ESRRG: variants seen among roughly 807,000 people sequenced by gnomAD.
The protein encoded by ESRRG is estrogen related receptor gamma.
Under a neutral mutation model 44.0 loss-of-function variants are expected in ESRRG, and 13 were observed. That is an observed-to-expected ratio of 0.30 (90% CI 0.19 to 0.47). The LOEUF (loss-of-function observed/expected upper bound fraction) is 0.47, where lower values mean the gene tolerates loss of function less well. Ranked by LOEUF, ESRRG falls within the 20% of genes least tolerant of loss-of-function variation. The pLI is 1.00. For synonymous variants in ESRRG, 215 were observed against 214.6 expected (o/e 1.00, Z -0.02); for missense variants, 395 against 580.6 (o/e 0.68, Z 3.29).
intron 5 of ESRRG, among the ~76,000 whole-genome samples, chr1:216,556,285 C>T (rs1225678251): frequency 6.6e-6 from 1 of 151,948 alleles, no homozygotes; most frequent in Non-Finnish European, 1.5e-5. Context: ...TGATAATCCT[C>T]AGGTAAGTTT....
At chr1:217,004,369 T>A (rs932266949) in intron 1 of ESRRG, among the ~76,000 whole-genome samples, 1 of 152,146 alleles carries the variant, frequency 6.6e-6, no homozygotes, top group Non-Finnish European at 1.5e-5. Flanking sequence ...CTAGTGGTAG[T>A]GAATAAGTCT....
chr1:217,022,253 T>C (rs1579625776), intron 1 of ESRRG, among the ~76,000 whole-genome samples: 1 of 152,230 alleles, frequency 6.6e-6, no homozygotes, highest in Non-Finnish European at 1.5e-5. Flanking sequence ...GCATCCCAGC[T>C]GTCCTAAATT....
At chr1:216,906,773 C>T (rs2059728802) in intron 2 of ESRRG, among the ~76,000 whole-genome samples, 1 of 152,166 alleles carries the variant, frequency 6.6e-6, no homozygotes, top group African/African-American at 2.4e-5. Context: ...ATCCAAATGA[C>T]TAGTATAGAA....
At chr1:216,815,793 A>G (rs1250977005) in intron 2 of ESRRG, among the ~76,000 whole-genome samples, 1 of 152,204 alleles carries the variant, frequency 6.6e-6, no homozygotes, top group East Asian at 1.9e-4. Flanking sequence ...TAATTTTTGT[A>G]GCATAAGGGT....
chr1:216,966,054 A>G (rs937206922), intron 1 of ESRRG, among the ~76,000 whole-genome samples: 4 of 152,154 alleles, frequency 2.6e-5, no homozygotes, highest in Admixed American at 2.0e-4. Flanking sequence ...ATTTTAAGTA[A>G]AAAGGATCAT....
intron 2 of ESRRG, among the ~76,000 whole-genome samples, chr1:216,873,522 A>G (rs1417051412): frequency 6.6e-6 from 1 of 152,066 alleles, no homozygotes; most frequent in Non-Finnish European, 1.5e-5. Flanking sequence ...CCAGGAGTTC[A>G]TAAACATCTT....
At chr1:216,898,923 G>A (rs1311680816) in intron 2 of ESRRG, among the ~76,000 whole-genome samples, 1 of 152,128 alleles carries the variant, frequency 6.6e-6, no homozygotes, top group Non-Finnish European at 1.5e-5. Flanking sequence ...AGTAGGGAAG[G>A]CCACTGAGCC....
At chr1:216,742,025 A>G (rs1022224967) in intron 2 of ESRRG, among the ~76,000 whole-genome samples, 1 of 152,138 alleles carries the variant, frequency 6.6e-6, no homozygotes, top group Non-Finnish European at 1.5e-5. Context: ...ACTGTTACAG[A>G]ACAAAATCAA....
chr1:217,102,315 GGCCC>G (rs1352261624), intron 1 of ESRRG, among the ~76,000 whole-genome samples: 3 of 152,150 alleles, frequency 2.0e-5, no homozygotes, highest in African/African-American at 7.2e-5. Flanking sequence ...CCAGCAGCAT[GGCCC>G]AGAGCTATGC....
intron 1 of ESRRG, among the ~76,000 whole-genome samples, chr1:216,979,692 G>A (rs1340207506): frequency 6.6e-6 from 1 of 152,006 alleles, no homozygotes; most frequent in African/African-American, 2.4e-5. Context: ...GAAAATAAAT[G>A]AATTAATAGA....
At chr1:216,882,007 C>A (rs139561085) in intron 2 of ESRRG, among the ~76,000 whole-genome samples, 1 of 150,924 alleles carries the variant, frequency 6.6e-6, no homozygotes, top group Non-Finnish European at 1.5e-5. Flanking sequence ...TAGGCTTGGA[C>A]TTGACCTCTA....
intron 2 of ESRRG, among the ~76,000 whole-genome samples, chr1:216,761,451 T>G (rs2092768288): frequency 6.6e-6 from 1 of 152,044 alleles, no homozygotes; most frequent in Non-Finnish European, 1.5e-5. Context: ...GAGTAAATAT[T>G]TGGTGAGTGC....
rs1254896528 is a variant in ESRRG, at chr1:217,026,908, C to CAGAGAGAGAGAGAGAG, written c.-106+62598_-106+62599insCTCTCTCTCTCTCTCT. Reference sequence around the variant, plus strand: ...ACACATACACACACACACACACACACACACAGAGAGAGAGAGAGAGAGAGA... The same window carrying CAGAGAGAGAGAGAGAG: ...ACACATACACACACACACACACACACAGAGAGAGAGAGAGAGACACAGAGAGAGAGAGAGAGAGAGA... On this transcript the variant is annotated intron_variant, in intron 1 of 7. Transcript: ENST00000359162. 2.2e-3 allele frequency among the ~76,000 whole-genome samples: 202 copies of CAGAGAGAGAGAGAGAG among 90,698 alleles called. 1 individual carries two copies. The highest frequency in any genetic ancestry group is 2.8e-3 in the Non-Finnish European group (121 of 43,120). 59.5% of individuals were successfully genotyped at this position (90,698 alleles called of 152,430 possible).
At chr1:216,931,745 A>C (rs1174550072) in intron 2 of ESRRG, among the ~76,000 whole-genome samples, 1 of 152,082 alleles carries the variant, frequency 6.6e-6, no homozygotes, top group Non-Finnish European at 1.5e-5. Context: ...TCATGTTGAA[A>C]AGACATACAA....
chr1:216,827,972 A>C (rs2095425624), intron 2 of ESRRG, among the ~76,000 whole-genome samples: 1 of 152,160 alleles, frequency 6.6e-6, no homozygotes, highest in Admixed American at 6.5e-5. Flanking sequence ...AAAAATTGTG[A>C]ACTTCTGAAT....
upstream of ESRRG, among the ~76,000 whole-genome samples, chr1:216,726,777 A>T (rs944957303): frequency 1.3e-5 from 2 of 152,158 alleles, no homozygotes; most frequent in Non-Finnish European, 2.9e-5. Flanking sequence ...TGCAGTCATA[A>T]ATATCCAAAC....
intron 1 of ESRRG, among the ~76,000 whole-genome samples, chr1:217,010,148 A>C (rs1167224965): frequency 2.0e-5 from 3 of 152,156 alleles, no homozygotes; most frequent in Non-Finnish European, 4.4e-5. Flanking sequence ...AGAAGTGCAG[A>C]GATGATCCCA....
chr1:217,112,959 TG>T (rs1411410375), intron 1 of ESRRG, among the ~76,000 whole-genome samples: 2 of 152,194 alleles, frequency 1.3e-5, no homozygotes, highest in Non-Finnish European at 2.9e-5. Context: ...CAGATAAGGA[TG>T]TATCTTAAAG....
chr1:217,084,274 A>G (rs570493362), intron 1 of ESRRG, among the ~76,000 whole-genome samples: 1 of 152,206 alleles, frequency 6.6e-6, no homozygotes, highest in African/African-American at 2.4e-5. Context: ...ATATTCTTCT[A>G]AAGAACAGCT....
Sources: allele counts gnomAD v4.1 joint callset (sites outside exome capture counted in the v4.1 genomes callset), GRCh38; gene constraint gnomAD v4.1.1; transcripts MANE v1.5; gene names NCBI Gene and HGNC (gene_info 2026-07-23, HGNC 2026-07-21).